Variants in HIVEP1 observed in about 807,000 individuals in gnomAD.
HIVEP1 encodes the protein zinc finger protein 40.
Under a neutral mutation model 180.0 loss-of-function variants are expected in HIVEP1, and 36 were observed. The observed-to-expected ratio is 0.20, with a 90% CI of 0.15 to 0.26. HIVEP1 has a LOEUF of 0.26. Among genes scored for constraint, HIVEP1 ranks in the 10% least tolerant of loss-of-function variants. HIVEP1 has a pLI of 1.00. For missense variants in HIVEP1, 3,143 were observed against 3,268.7 expected (o/e 0.96, Z 0.94); for synonymous variants, 1,239 against 1,239.0 (o/e 1.00, Z 0.00).
intron 7 of HIVEP1, among the ~76,000 whole-genome samples, chr6:12,154,426 C>T (rs1159294717): frequency 6.6e-6 from 1 of 152,194 alleles, no homozygotes; most frequent in African/African-American, 2.4e-5. Flanking sequence ...ATGCCCTTAG[C>T]GTGGCTGTGC....
intron 3 of HIVEP1, among the ~76,000 whole-genome samples, chr6:12,108,713 G>T (rs1464097541): frequency 1.3e-5 from 2 of 152,194 alleles, no homozygotes. Flanking sequence ...ACGCCCACCC[G>T]GAGCTCCAGC....
chr6:12,208,234 C>T, the HIVEP1 span, among the ~76,000 whole-genome samples: 1 of 152,178 alleles, frequency 6.6e-6, no homozygotes, highest in Non-Finnish European at 1.5e-5. Flanking sequence ...TAACACCTCA[C>T]CCTTTTTGAG....
intron 2 of HIVEP1, among the ~76,000 whole-genome samples, chr6:12,016,683 A>T (rs779583317): frequency 1.6e-4 from 25 of 152,216 alleles, no homozygotes; most frequent in Non-Finnish European, 3.2e-4. Flanking sequence ...GTTCAAATTG[A>T]TGATTGTAGT....
chr6:12,109,431 C>G (rs1037111524), intron 3 of HIVEP1, among the ~76,000 whole-genome samples: 1 of 152,246 alleles, frequency 6.6e-6, no homozygotes, highest in Non-Finnish European at 1.5e-5. Context: ...CTCTCAAAGT[C>G]TGCCACTGCT....
At chr6:12,051,309 C>G (rs1770525038) in intron 2 of HIVEP1, among the ~76,000 whole-genome samples, 1 of 151,638 alleles carries the variant, frequency 6.6e-6, no homozygotes, top group African/African-American at 2.4e-5. Context: ...CTTATAAATG[C>G]AGGGTTCATT....
At chr6:12,132,863 G>A (rs1046666730) in intron 6 of HIVEP1, among the ~76,000 whole-genome samples, 3 of 152,050 alleles carry the variant, frequency 2.0e-5, no homozygotes, top group Non-Finnish European at 2.9e-5. Context: ...TTTACGGTCA[G>A]CTTCCTTTTT....
chr6:12,021,233 C>G (rs1027624709), intron 2 of HIVEP1, among the ~76,000 whole-genome samples: 4 of 152,170 alleles, frequency 2.6e-5, no homozygotes, highest in African/African-American at 9.7e-5. Context: ...GTGATCAGAT[C>G]ATGGCCTTGA....
chr6:12,044,136 G>A (rs1469145830), intron 2 of HIVEP1, among the ~76,000 whole-genome samples: 2 of 152,122 alleles, frequency 1.3e-5, no homozygotes, highest in East Asian at 1.9e-4. Context: ...TCTTAAAGCC[G>A]TGAATGGCAC....
rs1161612072 is a variant in HIVEP1 at position 12,063,901 on chromosome 6, G to A, written c.41-25283G>A. The stretch of plus-strand genomic sequence containing the variant: ...CTGCAAACCTTGGGTCTTAAGTTTG[G>A]GACTGCCAAGTGACTCCCATATTTA... On this transcript the variant is annotated intron_variant, in intron 2 of 8. Coordinates refer to ENST00000379388, the MANE Select transcript of HIVEP1 (RefSeq NM_002114.4). This position sits in a 1 kb window ranked among gnomAD's most constrained non-coding sequence, Gnocchi z 4.2. Among the ~76,000 whole-genome samples the A allele has an allele frequency of 6.6e-6, 1 of 152,052 alleles. No homozygotes were observed. Among genetic ancestry groups the A allele is most frequent in the African/African-American group, 2.4e-5 (1 of 41,404 alleles).
At chr6:12,068,090 A>G (rs1771715961) in intron 2 of HIVEP1, among the ~76,000 whole-genome samples, 1 of 152,052 alleles carries the variant, frequency 6.6e-6, no homozygotes, top group Non-Finnish European at 1.5e-5. Flanking sequence ...TGACCTCAGA[A>G]TACTTTTTTT....
chr6:12,115,937 C>G (rs1454438294), intron 3 of HIVEP1, among the ~76,000 whole-genome samples: 1 of 151,526 alleles, frequency 6.6e-6, no homozygotes, highest in Admixed American at 6.6e-5. Flanking sequence ...ACTGCTTGGT[C>G]TTTCTCTTTG....
Position 12,121,167 on chromosome 6 carries a change from C to T in HIVEP1, c.1372C>T (p.His458Tyr), listed in dbSNP as rs771227503. The change falls in exon 4 of 9, where the codon CAT becomes TAT. Residue 458 changes from histidine (H) to tyrosine (Y), a missense_variant. Physicochemically the swap from His to Tyr is moderately conservative, Grantham distance 83. Transcript: ENST00000379388. The surrounding 1 kb of genome is among the most constrained non-coding windows in gnomAD (Gnocchi z 5.3). ...NLYKHKKSHA[H>Y]TIKLGLVLQP... is the part of the protein sequence containing the mutation. ...GTATAAGCACAAGAAATCCCACGCACATACTATCAAACTGGGTCTTGTCTT... is the reference window on the plus strand; with the variant it reads ...GTATAAGCACAAGAAATCCCACGCATATACTATCAAACTGGGTCTTGTCTT... The T allele has an allele frequency of 6.2e-7, 1 of 1,614,158 alleles. No homozygotes were observed. The highest frequency in any genetic ancestry group is 2.2e-5 in the East Asian group (1 of 44,882).
At chr6:12,090,142 G>A (rs1345728875) in intron 3 of HIVEP1, among the ~76,000 whole-genome samples, 1 of 152,028 alleles carries the variant, frequency 6.6e-6, no homozygotes. Flanking sequence ...GGATGGTCAG[G>A]TAGTGAGGTA....
chr6:12,043,583 T>C (rs1334018201), intron 2 of HIVEP1, among the ~76,000 whole-genome samples: 1 of 152,058 alleles, frequency 6.6e-6, no homozygotes, highest in Non-Finnish European at 1.5e-5. Flanking sequence ...GTCAGGCTGG[T>C]CTCAAACTCC....
At chr6:12,204,043 C>T in the HIVEP1 span, among the ~76,000 whole-genome samples, 2 of 151,832 alleles carry the variant, frequency 1.3e-5, no homozygotes, top group East Asian at 3.9e-4. Context: ...CACCACTGCA[C>T]TCCAGCCTGG....
chr6:12,101,499 T>C (rs948469889), intron 3 of HIVEP1, among the ~76,000 whole-genome samples: 3 of 152,170 alleles, frequency 2.0e-5, no homozygotes, highest in East Asian at 1.9e-4. Context: ...ATTAAGTTAA[T>C]ATAAACCTCA....
chr6:12,012,951 C>G (rs898443124), intron 1 of HIVEP1, among the ~76,000 whole-genome samples: 1 of 152,070 alleles, frequency 6.6e-6, no homozygotes, highest in Non-Finnish European at 1.5e-5. Context: ...CTCCCGGCCA[C>G]CTGGGTAGTT....
chr6:12,019,300 G>T (rs1441951209), intron 2 of HIVEP1, among the ~76,000 whole-genome samples: 1 of 152,142 alleles, frequency 6.6e-6, no homozygotes, highest in Admixed American at 6.5e-5. Flanking sequence ...AAACTTCCGC[G>T]CTCCTCACAA....
chr6:12,052,016 TG>T (rs971962195), intron 2 of HIVEP1, among the ~76,000 whole-genome samples: 3 of 152,212 alleles, frequency 2.0e-5, no homozygotes, highest in African/African-American at 7.2e-5. Context: ...TAGCATGTCG[TG>T]GTGTGTGGTT....
Sources: allele counts gnomAD v4.1 joint callset (sites outside exome capture counted in the v4.1 genomes callset), GRCh38; gene constraint gnomAD v4.1.1; non-coding constraint Gnocchi (gnomAD v3.1); transcripts MANE v1.5; gene names NCBI Gene and HGNC (gene_info 2026-07-23, HGNC 2026-07-21).